The following MAMLD1 variants were observed in gnomAD, a reference collection of about 807,000 sequenced individuals.
MAMLD1 encodes mastermind-like domain-containing protein 1.
A neutral mutation model predicts 45.0 loss-of-function variants in MAMLD1; 14 were observed. The observed-to-expected ratio is 0.31, with a 90% CI of 0.21 to 0.49. The LOEUF is 0.49. Among genes scored for constraint, MAMLD1 ranks in the 20% least tolerant of loss-of-function variants. The pLI, the probability that MAMLD1 is intolerant of heterozygous loss-of-function variation, is 0.99. For synonymous variants in MAMLD1, 254 were observed against 247.8 expected (o/e 1.02, Z -0.24); for missense variants, 543 against 603.6 (o/e 0.90, Z 1.05).
chrX:150,396,407 T>C lies in MAMLD1; in HGVS notation c.-64+32877T>C, dbSNP rs2033421547. ...TTGTGTTTTCATTTTCTTCAAAATA[T>C]ATTTTCAACTTCTCCTGAGATTTTT... On this transcript the variant is annotated intron_variant, in intron 1 of 7. Transcript: ENST00000370401. 4.5e-5 allele frequency among the ~76,000 whole-genome samples: 5 copies of C among 111,123 alleles called. No homozygotes were observed. The Admixed American group carries it at 4.8e-4, about 11-fold the overall frequency.
At chrX:150,486,411 C>T (rs1461072101) in intron 5 of MAMLD1, among the ~76,000 whole-genome samples, 1 of 111,904 alleles carries the variant, frequency 8.9e-6, no homozygotes, top group African/African-American at 3.3e-5. Flanking sequence ...TGCTTCATGT[C>T]AGCTGTGTCC....
chrX:150,474,440 G>A (rs1557406757), intron 5 of MAMLD1, among the ~76,000 whole-genome samples: 1 of 112,557 alleles, frequency 8.9e-6, no homozygotes, highest in Non-Finnish European at 1.9e-5. Flanking sequence ...ACTTTGAACA[G>A]GGCCTGGCAT....
chrX:150,398,320 GAAGAAGAAGAAGAAGAA>G (rs1569564593), intron 1 of MAMLD1, among the ~76,000 whole-genome samples: 45 of 94,861 alleles, frequency 4.7e-4, no homozygotes, highest in African/African-American at 1.2e-3. Context: ...AGAAGAAGAA[GAAGAAGAAGAAGAAGAA>G]GAAGAGGAAG....
intron 1 of MAMLD1, among the ~76,000 whole-genome samples, chrX:150,370,286 A>T (rs1233974884): frequency 9.0e-6 from 1 of 111,617 alleles, no homozygotes; most frequent in Non-Finnish European, 1.9e-5. Context: ...TGCAAAGCTC[A>T]ATTGGAACTG....
At chrX:150,365,050 C>T (rs2031305402) in intron 1 of MAMLD1, among the ~76,000 whole-genome samples, 1 of 112,202 alleles carries the variant, frequency 8.9e-6, no homozygotes, top group Non-Finnish European at 1.9e-5. Flanking sequence ...GGAGGCCGCG[C>T]AGCTTCTTTC....
intron 4 of MAMLD1, 115 bp downstream of exon 4, chrX:150,471,605 T>C (rs2036433242): frequency 9.1e-7 from 1 of 1,098,683 alleles, no homozygotes; most frequent in Non-Finnish European, 1.2e-6. Context: ...TCTCTGAGAC[T>C]GGAAAAGACT....
rs1363362116 is a variant in MAMLD1, at chrX:150,473,600, G to A, written c.1918-80G>A. The A allele has an allele frequency of 3.7e-5, 37 of 1,013,089 alleles. No individual in the cohort carries two copies. In the African/African-American group the frequency reaches 6.4e-4, roughly 17 times the overall value. The allele number at this position is 1,013,089 out of a possible 1,213,427, so 83.5% of individuals were successfully genotyped here. On this transcript the variant is annotated intron_variant, in intron 4 of 7. Transcript: ENST00000370401. ...GGGGAGCGGTGTGGAGATAGGCAAA[G>A]CACATAGGACACGGCAGGCCACCTG...
intron 1 of MAMLD1, among the ~76,000 whole-genome samples, chrX:150,435,482 C>A (rs2035094632): frequency 9.0e-6 from 1 of 111,554 alleles, no homozygotes; most frequent in Non-Finnish European, 1.9e-5. Flanking sequence ...CCACTTCACT[C>A]CAGCCTGGGC....
At chrX:150,489,547 G>A (rs2037107857) in intron 5 of MAMLD1, among the ~76,000 whole-genome samples, 2 of 107,065 alleles carry the variant, frequency 1.9e-5, no homozygotes, top group South Asian at 9.2e-4. Flanking sequence ...CTAGGTAGGT[G>A]CAAAAGTAAT....
chrX:150,455,952 T>G (rs1253897077), intron 2 of MAMLD1, among the ~76,000 whole-genome samples: 2 of 110,660 alleles, frequency 1.8e-5, no homozygotes, highest in African/African-American at 6.6e-5. Context: ...TCATAGAAAC[T>G]ACAATAGGAG....
intron 3 of MAMLD1, among the ~76,000 whole-genome samples, chrX:150,465,128 C>T (rs1475009593): frequency 1.8e-5 from 2 of 112,085 alleles, no homozygotes; most frequent in Non-Finnish European, 3.8e-5. Context: ...CTTTGCTGAC[C>T]TTTTTATTGG....
intron 5 of MAMLD1, among the ~76,000 whole-genome samples, chrX:150,498,890 T>G (rs1216958272): frequency 8.9e-6 from 1 of 112,561 alleles, no homozygotes; most frequent in Non-Finnish European, 1.9e-5. Flanking sequence ...GAAGCGTGAC[T>G]TACATTACGT....
intron 1 of MAMLD1, among the ~76,000 whole-genome samples, chrX:150,378,881 C>T (rs2032462108): frequency 9.0e-6 from 1 of 111,044 alleles, no homozygotes; most frequent in African/African-American, 3.3e-5. Context: ...GCTCCAGGCT[C>T]ATCTTGTGCT....
chrX:150,423,648 A>G (rs183473197), intron 1 of MAMLD1, among the ~76,000 whole-genome samples: 7,454 of 109,490 alleles, frequency 0.068, 346 homozygotes, highest in African/African-American at 0.16. Context: ...GAGTATACCA[A>G]CTAATGAGTG....
intron 1 of MAMLD1, among the ~76,000 whole-genome samples, chrX:150,381,517 C>T (rs1406634559): frequency 8.9e-6 from 1 of 112,696 alleles, no homozygotes; most frequent in Non-Finnish European, 1.9e-5. Flanking sequence ...ACCAAACCCA[C>T]TTCCCTCCTG....
At chrX:150,364,653 G>T (rs1257017688) in intron 1 of MAMLD1, among the ~76,000 whole-genome samples, 1 of 112,523 alleles carries the variant, frequency 8.9e-6, no homozygotes, top group African/African-American at 3.2e-5. Context: ...CGGTCCCCAC[G>T]GTGAACGTGC....
chrX:150,402,647 A>C (rs199644954), intron 1 of MAMLD1, among the ~76,000 whole-genome samples: 1 of 111,837 alleles, frequency 8.9e-6, no homozygotes, highest in Non-Finnish European at 1.9e-5. Context: ...GCATTATTCA[A>C]AATAGCAAAG....
intron 1 of MAMLD1, among the ~76,000 whole-genome samples, chrX:150,415,779 G>A (rs1339272619): frequency 8.9e-6 from 1 of 112,145 alleles, no homozygotes; most frequent in Non-Finnish European, 1.9e-5. Context: ...TTAAACCCCA[G>A]AAATATAAGT....
intron 1 of MAMLD1, among the ~76,000 whole-genome samples, chrX:150,376,714 A>T (rs781965720): frequency 6.8e-4 from 76 of 111,544 alleles, no homozygotes; most frequent in Non-Finnish European, 1.3e-3. Flanking sequence ...GTTAACAGTA[A>T]ATATTTAATT....
Sources: gnomAD v4.1 joint callset for allele counts (sites outside exome capture counted in the v4.1 genomes callset) on GRCh38, gnomAD v4.1.1 for gene constraint, MANE v1.5 for transcripts, NCBI Gene and HGNC (gene_info 2026-07-23, HGNC 2026-07-21) for gene names.